GLO1: variants seen among roughly 807,000 people sequenced by gnomAD.
The protein encoded by GLO1 is glyoxalase I, also known as lactoylglutathione lyase.
A neutral mutation model predicts 26.0 loss-of-function variants in GLO1; 28 were observed. The ratio of observed to expected loss-of-function variants is 1.08; its 90% CI spans 0.80 to 1.48. GLO1 has a LOEUF of 1.48. Ranked by LOEUF, GLO1 falls within the 40% of genes most tolerant of loss-of-function variation. The probability of loss-of-function intolerance (pLI) is 0.00; values close to 1 mark genes in which losing one functional copy is unlikely to be tolerated. For missense variants in GLO1, 225 were observed against 224.8 expected (o/e 1.00, Z -0.01); for synonymous variants, 78 against 77.6 (o/e 1.00, Z -0.03).
At chr6:38,693,877 A>G (rs1303719615) in intron 1 of GLO1, among the ~76,000 whole-genome samples, 1 of 151,700 alleles carries the variant, frequency 6.6e-6, no homozygotes, top group African/African-American at 2.4e-5. Context: ...CGCCTGGCTA[A>G]TTTTTTGTGT....
chr6:38,690,081 A>C (rs1286772027), intron 1 of GLO1, among the ~76,000 whole-genome samples: 1 of 152,148 alleles, frequency 6.6e-6, no homozygotes, highest in Non-Finnish European at 1.5e-5. Flanking sequence ...CCTTGGCCTA[A>C]GAATTCATAT....
intron 1 of GLO1, among the ~76,000 whole-genome samples, chr6:38,694,702 A>C (rs1761584123): frequency 6.6e-6 from 1 of 151,298 alleles, no homozygotes; most frequent in Non-Finnish European, 1.5e-5. Context: ...AGCAGTGTTG[A>C]GGTCTCCAAC....
At chr6:38,679,718 C>T (rs1212292775) in intron 5 of GLO1, among the ~76,000 whole-genome samples, 1 of 151,210 alleles carries the variant, frequency 6.6e-6, no homozygotes, top group Admixed American at 6.6e-5. Context: ...TGTTTGATCC[C>T]AGGAGTTTGA....
At chr6:38,680,839 A>G (rs912529179) in intron 5 of GLO1, among the ~76,000 whole-genome samples, 7 of 152,180 alleles carry the variant, frequency 4.6e-5, no homozygotes, top group African/African-American at 1.7e-4. Flanking sequence ...GGCTATAGTG[A>G]GCTATGACAG....
intron 1 of GLO1, among the ~76,000 whole-genome samples, chr6:38,693,675 C>CTATA (rs755821947): frequency 4.7e-5 from 5 of 105,314 alleles, no homozygotes; most frequent in South Asian, 5.6e-4. Flanking sequence ...CTCTCTCTCT[C>CTATA]TCTCTCTCTC....
intron 1 of GLO1, among the ~76,000 whole-genome samples, chr6:38,694,365 C>G (rs1761578333): frequency 6.6e-6 from 1 of 152,056 alleles, no homozygotes; most frequent in Non-Finnish European, 1.5e-5. Context: ...AATTTTCTGT[C>G]TAGTTCTATC....
chr6:38,696,011 T>G (rs1364516745), intron 1 of GLO1, among the ~76,000 whole-genome samples: 1 of 152,098 alleles, frequency 6.6e-6, no homozygotes, highest in African/African-American at 2.4e-5. Context: ...CCTTTCAGAG[T>G]CTTCCAATGT....
At chr6:38,678,575 A>G (rs1300634040) in intron 5 of GLO1, among the ~76,000 whole-genome samples, 1 of 152,050 alleles carries the variant, frequency 6.6e-6, no homozygotes, top group African/African-American at 2.4e-5. Context: ...GCTGCGAGAG[A>G]ACAGAGTTTT....
chr6:38,678,435 GGAAA>G (rs1240200369), intron 5 of GLO1, among the ~76,000 whole-genome samples: 2 of 151,662 alleles, frequency 1.3e-5, no homozygotes, highest in Non-Finnish European at 2.9e-5. Context: ...GAAAAGAAAA[GGAAA>G]GAAAGAAAGA....
intron 5 of GLO1, among the ~76,000 whole-genome samples, chr6:38,681,462 A>G (rs1443670427): frequency 6.6e-6 from 1 of 152,214 alleles, no homozygotes; most frequent in African/African-American, 2.4e-5. Context: ...TAATATTTCA[A>G]TTTTAATTTG....
intron 2 of GLO1, 24 bp from the exon 3 acceptor site, chr6:38,684,538 T>G (rs1266394032): frequency 7.0e-7 from 1 of 1,436,692 alleles, no homozygotes; most frequent in Non-Finnish European, 9.2e-7. Flanking sequence ...ACAACAAGCC[T>G]GAATCATTAA....
chr6:38,680,726 CA>C (rs971091087), intron 5 of GLO1, among the ~76,000 whole-genome samples: 1 of 151,946 alleles, frequency 6.6e-6, no homozygotes, highest in African/African-American at 2.4e-5. Flanking sequence ...CTCATCTCTA[CA>C]AAAAAATAAA....
chr6:38,695,587 C>T (rs1008632444), intron 1 of GLO1, among the ~76,000 whole-genome samples: 1 of 152,024 alleles, frequency 6.6e-6, no homozygotes, highest in Non-Finnish European at 1.5e-5. Context: ...GAAAGCCTGG[C>T]AGGATGAAAG....
intron 1 of GLO1, among the ~76,000 whole-genome samples, chr6:38,696,987 C>T (rs1031530778): frequency 6.6e-6 from 1 of 150,834 alleles, no homozygotes; most frequent in Admixed American, 6.6e-5. Context: ...GGCACGATCT[C>T]GGCTCACTGC....
rs9470920 is a variant in GLO1, at chr6:38,702,957, G to A, written c.84+14C>T. 6.7e-7 allele frequency: 1 copy of A among 1,481,846 alleles called. No homozygotes were observed. 91.8% of individuals were successfully genotyped at this position (1,481,846 alleles called of 1,614,324 possible). A position where few individuals can be genotyped will look rare whatever the true frequency, so the allele number is the denominator to read the frequency against. ...CGGAGCTGGGGGAGCCGTTCCCTTC[G>A]GTCCTGTGCCCACCTTGGTACTGGG... is the stretch of plus-strand genomic sequence containing the variant. On this transcript the variant is annotated intron_variant, in intron 1 of 5. Transcript: ENST00000373365.
At position 38,691,490 on chromosome 6, in the gene GLO1, G is replaced by A. The variant is rs1483275942; in HGVS notation, c.85-4516C>T. On this transcript the variant is annotated intron_variant, in intron 1 of 5. Transcript: ENST00000373365. ...CGCCCAGCTAATTTTTATATTTTTA[G>A]TAGAGAAAGGGTTTCACCACATTGG... 5.3e-5 allele frequency among the ~76,000 whole-genome samples: 8 copies of A among 152,146 alleles called. No homozygotes were observed. In the South Asian group the frequency reaches 1.2e-3, roughly 24 times the overall value.
Position 38,703,043 on chromosome 6 carries a change from C to A in GLO1, c.12G>T (p.Pro4=), listed in dbSNP as rs748365336. Residue 4 remains proline, a synonymous_variant, in exon 1 of 6, where the codon CCG becomes CCT. Coordinates refer to ENST00000373365, the MANE Select transcript of GLO1 (RefSeq NM_006708.3). MAE[P]QPPSGGLTDE... is the part of the protein sequence containing the mutation. ...CCGTGAGGCCGCCGGACGGGGGCTG[C>A]GGTTCTGCCATGGCTGCGCTGCAGT... 6 of 1,584,332 alleles carry A rather than the reference C, an allele frequency of 3.8e-6. No homozygotes were observed. The highest frequency in any genetic ancestry group is 3.3e-5 in the South Asian group (3 of 90,172).
chr6:38,695,772 T>C (rs772136076), intron 1 of GLO1, among the ~76,000 whole-genome samples: 1 of 152,188 alleles, frequency 6.6e-6, no homozygotes, highest in Non-Finnish European at 1.5e-5. Flanking sequence ...AGTTATTGTC[T>C]AAAAGTTTTC....
At chr6:38,699,284 C>T (rs979587733) in intron 1 of GLO1, among the ~76,000 whole-genome samples, 7 of 152,124 alleles carry the variant, frequency 4.6e-5, no homozygotes, top group African/African-American at 1.7e-4. Context: ...TTTCTTATGC[C>T]TGTCTTTAAT....
Sources: gnomAD v4.1 joint callset for allele counts (sites outside exome capture counted in the v4.1 genomes callset) on GRCh38, gnomAD v4.1.1 for gene constraint, MANE v1.5 for transcripts, NCBI Gene and HGNC (gene_info 2026-07-23, HGNC 2026-07-21) for gene names.